Variants in DNAJC13 observed in about 807,000 individuals in gnomAD.
DNAJC13 encodes dnaJ homolog subfamily C member 13.
DNAJC13 carries 75 observed loss-of-function variants against 290.5 expected under a neutral mutation model. The observed-to-expected ratio is 0.26, with a 90% CI of 0.21 to 0.31. The LOEUF (loss-of-function observed/expected upper bound fraction) is 0.31, where lower values mean the gene tolerates loss of function less well. DNAJC13 is among the 10% of genes least tolerant of loss of function. DNAJC13 has a pLI of 1.00. For missense variants in DNAJC13, 2,260 were observed against 2,674.5 expected (o/e 0.85, Z 3.42); for synonymous variants, 862 against 892.0 (o/e 0.97, Z 0.60).
chr3:132,473,569 T>G (rs150622446), intron 21 of DNAJC13, among the ~76,000 whole-genome samples: 3 of 152,258 alleles, frequency 2.0e-5, no homozygotes, highest in African/African-American at 7.2e-5. Flanking sequence ...ATAAGACTTG[T>G]GAGAAGTGAG....
intron 2 of DNAJC13, among the ~76,000 whole-genome samples, chr3:132,445,030 A>G (rs1933197496): frequency 1.3e-5 from 2 of 152,170 alleles, no homozygotes; most frequent in African/African-American, 2.4e-5. Flanking sequence ...TCATTTTTAT[A>G]ATATACTGAT....
intron 40 of DNAJC13, 145 bp downstream of exon 40, chr3:132,502,613 C>G (rs1003623195): frequency 1.5e-6 from 1 of 676,270 alleles, no homozygotes; most frequent in African/African-American, 1.8e-5. Context: ...TAAACCTAAT[C>G]ACTTACTTAC....
rs1032641160 is a variant in DNAJC13, at chr3:132,500,733, G to C, written c.4417-61G>C. The C allele has an allele frequency of 3.1e-6, 5 of 1,599,684 alleles. No individual in the cohort carries two copies. In the African/African-American group the frequency reaches 6.7e-5, roughly 21 times the overall value. On this transcript the variant is annotated intron_variant, in intron 38 of 55. Transcript: ENST00000260818. ...ATTTCTGCTGGTTTGATTTCTATGT[G>C]TTAAATAAGGAATGCCTATGTGACT...
At chr3:132,430,450 C>T (rs999471425) in intron 1 of DNAJC13, among the ~76,000 whole-genome samples, 3 of 151,798 alleles carry the variant, frequency 2.0e-5, no homozygotes, top group Non-Finnish European at 4.4e-5. Context: ...TTATGGTTGT[C>T]GTTTTAAAAT....
At chr3:132,430,343 T>C (rs1186194145) in intron 1 of DNAJC13, among the ~76,000 whole-genome samples, 2 of 152,000 alleles carry the variant, frequency 1.3e-5, no homozygotes, top group Non-Finnish European at 2.9e-5. Flanking sequence ...TTAATAATTC[T>C]TATATTTCTT....
At chr3:132,482,865 A>C (rs1294592073) in intron 27 of DNAJC13, among the ~76,000 whole-genome samples, 3 of 152,032 alleles carry the variant, frequency 2.0e-5, no homozygotes, top group Non-Finnish European at 4.4e-5. Flanking sequence ...TATCTCCAAA[A>C]AAGAAAAAAA....
intron 55 of DNAJC13, among the ~76,000 whole-genome samples, chr3:132,537,731 G>A (rs1936640390): frequency 6.6e-6 from 1 of 152,138 alleles, no homozygotes; most frequent in South Asian, 2.1e-4. Flanking sequence ...GCATTTCTTT[G>A]CACCAAATGA....
At chr3:132,456,617 A>G in intron 11 of DNAJC13, 37 bp downstream of exon 11, 1 of 1,613,094 alleles carries the variant, frequency 6.2e-7, no homozygotes, top group Non-Finnish European at 8.5e-7. Context: ...CATTGTTACT[A>G]ACTTTTGGTA....
intron 20 of DNAJC13, among the ~76,000 whole-genome samples, chr3:132,470,603 G>C (rs1934175715): frequency 7.0e-6 from 1 of 143,468 alleles, no homozygotes; most frequent in Non-Finnish European, 1.5e-5. Flanking sequence ...GGGGCGGCTG[G>C]CCGGGCGGGG....
intron 53 of DNAJC13, among the ~76,000 whole-genome samples, chr3:132,527,925 G>T (rs1310113006): frequency 6.6e-6 from 1 of 152,082 alleles, no homozygotes; most frequent in Admixed American, 6.5e-5. Flanking sequence ...TTTTAATACT[G>T]CCCAGCTCTG....
intron 13 of DNAJC13, among the ~76,000 whole-genome samples, chr3:132,459,805 T>C (rs1002339832): frequency 3.3e-5 from 5 of 152,208 alleles, no homozygotes; most frequent in African/African-American, 1.2e-4. Flanking sequence ...CTCCCAGTTA[T>C]TGTCAGTAGT....
chr3:132,492,727 C>A (rs1935102749), intron 33 of DNAJC13, 112 bp downstream of exon 33: 3 of 889,958 alleles, frequency 3.4e-6, no homozygotes, highest in East Asian at 4.9e-5. Context: ...TTAAGTATTC[C>A]TTCTTAAGCA....
chr3:132,464,712 G>A (rs1393434459), intron 17 of DNAJC13, among the ~76,000 whole-genome samples: 1 of 152,050 alleles, frequency 6.6e-6, no homozygotes, highest in African/African-American at 2.4e-5. Context: ...TGTTTTCCTA[G>A]TATTGTCTTA....
At chr3:132,510,150 T>C (rs1448111763) in intron 43 of DNAJC13, among the ~76,000 whole-genome samples, 1 of 152,180 alleles carries the variant, frequency 6.6e-6, no homozygotes, top group African/African-American at 2.4e-5. Flanking sequence ...CACTAGTCCT[T>C]CATGGACGTA....
intron 43 of DNAJC13, 27 bp from the exon 44 acceptor site, chr3:132,511,040 G>C: frequency 1.2e-6 from 2 of 1,607,132 alleles, no homozygotes; most frequent in Non-Finnish European, 8.5e-7. Context: ...CACCCATGTT[G>C]TTTAAATACT....
chr3:132,481,886 A>G (rs1425806878), intron 26 of DNAJC13, among the ~76,000 whole-genome samples: 1 of 152,162 alleles, frequency 6.6e-6, no homozygotes. Flanking sequence ...TTACATAACT[A>G]TTTGCAATAT....
chr3:132,521,954 TA>T (rs1936105070), intron 48 of DNAJC13, among the ~76,000 whole-genome samples: 1 of 152,238 alleles, frequency 6.6e-6, no homozygotes, highest in African/African-American at 2.4e-5. Context: ...TTCTGTTATG[TA>T]ATTGAAATTT....
chr3:132,523,842 T>G, intron 51 of DNAJC13, 129 bp downstream of exon 51: 1 of 905,046 alleles, frequency 1.1e-6, no homozygotes, highest in African/African-American at 1.7e-5. Flanking sequence ...AGCAGCCACA[T>G]TTAAATTCAC....
At chr3:132,523,909 T>A (rs1936172750) in intron 51 of DNAJC13, 196 bp downstream of exon 51, 1 of 535,808 alleles carries the variant, frequency 1.9e-6, no homozygotes, top group Non-Finnish European at 3.2e-6. Flanking sequence ...TTAGTATGTT[T>A]ATGAACCAAA....
Sources: allele counts gnomAD v4.1 joint callset (sites outside exome capture counted in the v4.1 genomes callset), GRCh38; gene constraint gnomAD v4.1.1; transcripts MANE v1.5; gene names NCBI Gene and HGNC (gene_info 2026-07-23, HGNC 2026-07-21).